CELF4: variants seen among roughly 807,000 people sequenced by gnomAD.
CELF4 encodes the protein CUG-BP- and ETR-3-like factor 4.
CELF4 carries 18 observed loss-of-function variants against 59.9 expected under a neutral mutation model. The observed-to-expected ratio is 0.30, with a 90% confidence interval of 0.21 to 0.45. The LOEUF (loss-of-function observed/expected upper bound fraction) is 0.45, where lower values mean the gene tolerates loss of function less well. Among genes scored for constraint, CELF4 ranks in the 20% least tolerant of loss-of-function variants. The pLI is 1.00. For synonymous variants in CELF4, 261 were observed against 267.1 expected, an observed-to-expected ratio of 0.98 and a Z score of 0.22; for missense variants, 456 against 689.0, an observed-to-expected ratio of 0.66 and a Z score of 3.79.
At chr18:37,354,147 T>C (rs147892246) in intron 2 of CELF4, among the ~76,000 whole-genome samples, 1 of 152,234 alleles carries the variant, frequency 6.6e-6, no homozygotes, top group Non-Finnish European at 1.5e-5. Flanking sequence ...GGGGAGGAAG[T>C]GAACTATGCT....
At chr18:37,314,543 G>C (rs942580477) in intron 3 of CELF4, among the ~76,000 whole-genome samples, 3 of 152,202 alleles carry the variant, frequency 2.0e-5, no homozygotes, top group African/African-American at 7.2e-5. Flanking sequence ...CAGAGGCCAA[G>C]GGAGGAAGAT....
rs1264799265 is a variant in CELF4, at chr18:37,338,535, CG to C, written c.370-16655del. The stretch of plus-strand genomic sequence containing the variant: ...GATGGGATTCTGGGTGCTGGGGTGG[CG>C]GGGGGGCTGTTCTGGGTGGAGTGGA... On this transcript the variant is annotated intron_variant, in intron 2 of 12. Coordinates refer to ENST00000420428, the MANE Select transcript of CELF4 (RefSeq NM_020180.4). 8.6e-5 allele frequency among the ~76,000 whole-genome samples: 13 copies of C among 151,854 alleles called. 1 individual carries two copies. The highest frequency in any genetic ancestry group is 4.2e-4 in the South Asian group (2 of 4,786).
intron 1 of CELF4, among the ~76,000 whole-genome samples, chr18:37,534,342 G>A (rs1202224566): frequency 6.6e-6 from 1 of 152,158 alleles, no homozygotes; most frequent in African/African-American, 2.4e-5. Flanking sequence ...CACCCAGGCT[G>A]GGGCTCTCCC....
chr18:37,274,753 G>A (rs2092725049), intron 5 of CELF4, 52 bp downstream of exon 5: 1 of 1,522,372 alleles, frequency 6.6e-7, no homozygotes, highest in Non-Finnish European at 8.8e-7. Flanking sequence ...GCGGGTGCTG[G>A]GGTCTCGGCC....
intron 2 of CELF4, among the ~76,000 whole-genome samples, chr18:37,435,501 C>T (rs2099688546): frequency 1.3e-5 from 2 of 152,192 alleles, no homozygotes; most frequent in South Asian, 2.1e-4. Flanking sequence ...GAGTTTCTCT[C>T]TCTTGCTTAG....
intron 2 of CELF4, among the ~76,000 whole-genome samples, chr18:37,338,127 ACT>A (rs1309238706): frequency 1.5e-5 from 1 of 67,712 alleles, no homozygotes; most frequent in Non-Finnish European, 2.8e-5. Context: ...CACCACCACC[ACT>A]GTCGCTGCCA....
In CELF4 at chr18:37,460,133, C is replaced by A. The variant is rs554192706; in HGVS notation, c.369+25392G>T. On this transcript the variant is annotated intron_variant, in intron 2 of 12. Transcript: ENST00000420428. The stretch of plus-strand genomic sequence containing the variant: ...GGAAGTTTCCTAAGAATCACCATGG[C>A]CCCAGGGCTCGCCATGTCTGAACAT... Among the ~76,000 whole-genome samples, 25 of 152,268 alleles carry A rather than the reference C, an allele frequency of 1.6e-4. No homozygotes were observed. The South Asian group carries it at 5.0e-3, about 30-fold the overall frequency.
intron 2 of CELF4, among the ~76,000 whole-genome samples, chr18:37,462,809 AT>A (rs990911692): frequency 3.4e-5 from 5 of 148,974 alleles, no homozygotes; most frequent in African/African-American, 9.9e-5. Context: ...TTTTTTTGCG[AT>A]TTTTTTCTTT....
At chr18:37,472,749 A>G (rs2099837131) in intron 2 of CELF4, among the ~76,000 whole-genome samples, 1 of 152,156 alleles carries the variant, frequency 6.6e-6, no homozygotes, top group African/African-American at 2.4e-5. Flanking sequence ...TTTCGCCTCT[A>G]AGGCCTGAAG....
intron 8 of CELF4, 113 bp from the exon 9 acceptor site, chr18:37,266,711 G>T: frequency 1.0e-6 from 1 of 955,472 alleles, no homozygotes; most frequent in Non-Finnish European, 1.5e-6. Context: ...ACTGCAGGCT[G>T]TGCCCTGGGG....
intron 1 of CELF4, among the ~76,000 whole-genome samples, chr18:37,557,092 A>G (rs770012441): frequency 6.6e-6 from 1 of 152,240 alleles, no homozygotes; most frequent in Admixed American, 6.5e-5. Flanking sequence ...AGCATTTCTC[A>G]GTGTGAAATA....
At chr18:37,440,066 C>A (rs926663609) in intron 2 of CELF4, among the ~76,000 whole-genome samples, 1 of 152,184 alleles carries the variant, frequency 6.6e-6, no homozygotes, top group African/African-American at 2.4e-5. Context: ...CAGGCTCAGC[C>A]TTGGAGCCAT....
At chr18:37,379,872 G>C (rs1183988543) in intron 2 of CELF4, among the ~76,000 whole-genome samples, 2 of 152,122 alleles carry the variant, frequency 1.3e-5, no homozygotes, top group Admixed American at 1.3e-4. Context: ...GCAGAGGGGT[G>C]GATTAAACAT....
intron 1 of CELF4, among the ~76,000 whole-genome samples, chr18:37,554,533 G>A (rs372811683): frequency 2.6e-5 from 4 of 152,014 alleles, no homozygotes; most frequent in Non-Finnish European, 5.9e-5. Context: ...GGCATCACCC[G>A]CCCCTCATCT....
chr18:37,395,863 C>T (rs182176931), intron 2 of CELF4, among the ~76,000 whole-genome samples: 76 of 152,266 alleles, frequency 5.0e-4, no homozygotes, highest in African/African-American at 1.8e-3. Context: ...GTGAACTCCC[C>T]AGCCTGGGAT....
intron 2 of CELF4, among the ~76,000 whole-genome samples, chr18:37,450,359 C>A (rs2099759794): frequency 1.3e-5 from 2 of 151,738 alleles, no homozygotes; most frequent in South Asian, 4.2e-4. Context: ...GATCTCTGCA[C>A]CTGTGTCTCT....
At chr18:37,420,203 G>C (rs2099569302) in intron 2 of CELF4, among the ~76,000 whole-genome samples, 1 of 152,204 alleles carries the variant, frequency 6.6e-6, no homozygotes, top group South Asian at 2.1e-4. Context: ...GGCAGCAGCT[G>C]GGAGAGGCAG....
intron 2 of CELF4, among the ~76,000 whole-genome samples, chr18:37,407,546 T>G (rs949349730): frequency 2.0e-5 from 3 of 151,896 alleles, no homozygotes; most frequent in Non-Finnish European, 4.4e-5. Context: ...TGTGTATATA[T>G]GTATGTATAT....
chr18:37,440,870 T>C (rs2099710728), intron 2 of CELF4, among the ~76,000 whole-genome samples: 1 of 152,178 alleles, frequency 6.6e-6, no homozygotes, highest in South Asian at 2.1e-4. Flanking sequence ...CTCTGGGCCT[T>C]GGTTTCCCTG....
Sources: gnomAD v4.1 joint callset for allele counts (sites outside exome capture counted in the v4.1 genomes callset) on GRCh38, gnomAD v4.1.1 for gene constraint, MANE v1.5 for transcripts, NCBI Gene and HGNC (gene_info 2026-07-23, HGNC 2026-07-21) for gene names.